EHMT2: variants seen among roughly 807,000 people sequenced by gnomAD.
EHMT2 encodes euchromatic histone lysine methyltransferase 2.
EHMT2 carries 59 observed loss-of-function variants against 143.3 expected under a neutral mutation model. That is an observed-to-expected ratio of 0.41 (90% confidence interval 0.33 to 0.51). The LOEUF is 0.51. EHMT2 is among the 20% of genes least tolerant of loss of function. The pLI, the probability that EHMT2 is intolerant of heterozygous loss-of-function variation, is 0.18. For missense variants in EHMT2, 1,174 were observed against 1,645.9 expected (o/e 0.71, Z 4.96); for synonymous variants, 604 against 651.5 (o/e 0.93, Z 1.11).
chr6:31,892,394 A>C lies in EHMT2; in HGVS notation c.864+13T>G. ...GGAGCACCGGCGGGGAGGGCAGACC[A>C]GCTCTGTCTCACCTTGCTGTCGGAG... On this transcript the variant is annotated intron_variant, in intron 7 of 27. Coordinates refer to ENST00000375537, the Ensembl canonical transcript of EHMT2. 1 of 1,611,004 alleles carries C rather than the reference A, an allele frequency of 6.2e-7. No homozygotes were observed. The highest frequency in any genetic ancestry group is 1.1e-5 in the South Asian group (1 of 90,984).
chr6:31,879,913 G>A, exon 28 of EHMT2: 2 of 762,076 alleles, frequency 2.6e-6, no homozygotes, highest in Non-Finnish European at 4.1e-6. Flanking sequence ...CTGGGAGGGA[G>A]GGGCTGTCAG....
Position 31,884,172 on chromosome 6 carries a change from G to C in EHMT2, c.2771+220C>G. The C allele has an allele frequency of 1.4e-6, 1 of 698,528 alleles. No homozygotes were observed. The highest frequency in any genetic ancestry group is 2.3e-6 in the Non-Finnish European group (1 of 429,590). 43.3% of individuals were successfully genotyped at this position (698,528 alleles called of 1,614,324 possible). A position where few individuals can be genotyped will look rare whatever the true frequency, so the allele number is the denominator to read the frequency against. ...CACAGGACATTCTCACACTAAAAAA[G>C]TATGCATCTGTGCATCTGAAATTCC... On this transcript the variant is annotated intron_variant, in intron 21 of 27. Coordinates refer to ENST00000375537, the Ensembl canonical transcript of EHMT2. This position sits in a 1 kb window ranked among gnomAD's most constrained non-coding sequence, Gnocchi z 7.3.
chr6:31,887,323 C>G (rs770585070), intron 15 of EHMT2, among the ~76,000 whole-genome samples: 11 of 152,202 alleles, frequency 7.2e-5, no homozygotes, highest in Non-Finnish European at 1.5e-4. Context: ...CTCAGTACCA[C>G]TGTGCACTGT....
At chr6:31,886,643 T>C in exon 18 of EHMT2, 1 of 1,613,732 alleles carries the variant, frequency 6.2e-7, no homozygotes, top group Non-Finnish European at 8.5e-7. Flanking sequence ...AAGTTCCCGA[T>C]TTTGGCTGCG....
Position 31,888,645 on chromosome 6 carries a change from T to C in EHMT2, c.1319A>G (p.Glu440Gly). Residue 440 changes from glutamate to glycine, a missense_variant, in exon 11 of 28, where the codon GAG becomes GGG. By Grantham distance (98) the Glu-to-Gly change is moderately conservative (BLOSUM62 -2). Transcript: ENST00000375537. The surrounding 1 kb of genome is among the most constrained non-coding windows in gnomAD (Gnocchi z 7.4). ...GGCCATGCACTTGTGCCCCGCCCTCTCGCTGATGCGGTCAATCTTGGGTGC... is the reference window on the plus strand; with the variant it reads ...GGCCATGCACTTGTGCCCCGCCCTCCCGCTGATGCGGTCAATCTTGGGTGC... 1 of 1,613,692 alleles carries C rather than the reference T, an allele frequency of 6.2e-7. No individual in the cohort carries two copies. Among genetic ancestry groups the C allele is most frequent in the Non-Finnish European group, 8.5e-7 (1 of 1,180,002 alleles).
At chr6:31,886,517 G>A (rs1562487863) in intron 18 of EHMT2, 64 bp downstream of exon 18, 6 of 1,510,012 alleles carry the variant, frequency 4.0e-6, no homozygotes, top group Non-Finnish European at 5.4e-6. Flanking sequence ...CCCAAAGCCT[G>A]AGGCCAAGCC....
At position 31,889,134 on chromosome 6, in the gene EHMT2, C is replaced by A. The variant is rs1294105232; in HGVS notation, c.1115-64G>T. On this transcript the variant is annotated intron_variant, in intron 9 of 27. Coordinates refer to ENST00000375537, the Ensembl canonical transcript of EHMT2. This position sits in a 1 kb window ranked among gnomAD's most constrained non-coding sequence, Gnocchi z 5.1. ...AGGTGCCTGGACGCGTGGGTACATG[C>A]AGGTGGACATGCGAGAGCGTGTGTG... The A allele has an allele frequency of 6.5e-6, 10 of 1,541,930 alleles. No homozygotes were observed. The highest frequency in any genetic ancestry group is 8.8e-6 in the Non-Finnish European group (10 of 1,132,386).
intron 4 of EHMT2, chr6:31,893,583 C>T (rs527243853): frequency 4.8e-5 from 13 of 269,500 alleles, no homozygotes; most frequent in Middle Eastern, 1.4e-3. Context: ...CCAGAAAGTA[C>T]GGGATTACAG....
At chr6:31,897,487 C>T in intron 1 of EHMT2, 149 bp downstream of exon 1, 1 of 525,124 alleles carries the variant, frequency 1.9e-6, no homozygotes, top group Non-Finnish European at 2.7e-6. Flanking sequence ...CTGGTCCCCT[C>T]ATCCGCCCCC....
chr6:31,896,816 A>G (rs1160899457), exon 3 of EHMT2: 10 of 1,612,812 alleles, frequency 6.2e-6, no homozygotes, highest in Non-Finnish European at 8.5e-6. Flanking sequence ...TCCCCCAAAG[A>G]GCCATGAACT....
Position 31,892,311 on chromosome 6 carries a change from G to A in EHMT2, c.864+96C>T, listed in dbSNP as rs1765792079. 1.0e-5 allele frequency: 14 copies of A among 1,404,020 alleles called. No homozygotes were observed. In the South Asian group the frequency reaches 1.6e-4, roughly 16 times the overall value. 87.0% of individuals were successfully genotyped at this position (1,404,020 alleles called of 1,614,324 possible). ...TAGTGGATATTCAGAAGATAAAAAG[G>A]ACAGAAAGCAGAAAAACAGGGAACA... is the stretch of plus-strand genomic sequence containing the variant. On this transcript the variant is annotated intron_variant, in intron 7 of 27. Coordinates refer to ENST00000375537, the Ensembl canonical transcript of EHMT2.
Position 31,889,634 on chromosome 6 carries a change from C to T in EHMT2, c.865-32G>A. On this transcript the variant is annotated intron_variant, in intron 7 of 27. Coordinates refer to ENST00000375537, the Ensembl canonical transcript of EHMT2. The surrounding 1 kb of genome is among the most constrained non-coding windows in gnomAD (Gnocchi z 5.1). ...GAGAGGCAGAACAGACATATCCAAC[C>T]CCCAGGACTCAGACAATGAGGTGAG... 1 of 1,606,218 alleles carries T rather than the reference C, an allele frequency of 6.2e-7. No individual in the cohort carries two copies. Among genetic ancestry groups the T allele is most frequent in the East Asian group, 2.2e-5 (1 of 44,860 alleles).
Position 31,881,610 on chromosome 6 carries a change from G to A in EHMT2, c.3198-518C>T, listed in dbSNP as rs1764120439. The A allele has an allele frequency of 5.7e-6, 1 of 176,318 alleles. No individual in the cohort carries two copies. Among genetic ancestry groups the A allele is most frequent in the Admixed American group, 5.4e-5 (1 of 18,480 alleles). 10.9% of individuals were successfully genotyped at this position (176,318 alleles called of 1,614,324 possible). On this transcript the variant is annotated intron_variant, in intron 25 of 27. Transcript: ENST00000375537. This position sits in a 1 kb window ranked among gnomAD's most constrained non-coding sequence, Gnocchi z 4.8. ...CACACGGAGAGGACGTGGGTGGGAA[G>A]TGACTGTCAAGAGACAGCTTCAGCA...
exon 14 of EHMT2, chr6:31,887,855 G>A (rs1174256620): frequency 1.9e-6 from 3 of 1,611,328 alleles, no homozygotes; most frequent in Non-Finnish European, 2.5e-6. Context: ...ACGGCTGAAA[G>A]GCAGCCCCCA....
At chr6:31,896,816 A>T (rs1160899457) in exon 3 of EHMT2, 2 of 1,612,812 alleles carry the variant, frequency 1.2e-6, no homozygotes, top group Non-Finnish European at 1.7e-6. Context: ...TCCCCCAAAG[A>T]GCCATGAACT....
At position 31,889,115 on chromosome 6, in the gene EHMT2, C is replaced by T. The variant is rs1765321010; in HGVS notation, c.1115-45G>A. On this transcript the variant is annotated intron_variant, in intron 9 of 27. Transcript: ENST00000375537. The surrounding 1 kb of genome is among the most constrained non-coding windows in gnomAD (Gnocchi z 5.1). ...AGTGAGAGTGCGAGCTCACAGGTGC[C>T]TGGACGCGTGGGTACATGCAGGTGG... The T allele has an allele frequency of 1.9e-6, 3 of 1,552,614 alleles. No individual in the cohort carries two copies. The highest frequency in any genetic ancestry group is 2.6e-6 in the Non-Finnish European group (3 of 1,139,050).
At position 31,896,915 on chromosome 6, in the gene EHMT2, G is replaced by A. The variant is rs568631392; in HGVS notation, c.109+8C>T. On this transcript the variant is annotated splice_region_variant and intron_variant, in intron 2 of 27. Coordinates refer to ENST00000375537, the Ensembl canonical transcript of EHMT2. Reference sequence around the variant, plus strand: ...GGTCCAATTGGGGCCCGTTTTAGCTGCACTCACCTCTCTCGGTGGCTCCTC... The same window carrying A: ...GGTCCAATTGGGGCCCGTTTTAGCTACACTCACCTCTCTCGGTGGCTCCTC... The A allele has an allele frequency of 2.6e-5, 42 of 1,606,592 alleles. No homozygotes were observed. In the South Asian group the frequency reaches 4.3e-4, roughly 16 times the overall value.
At chr6:31,891,134 G>A (rs989124868) in intron 7 of EHMT2, among the ~76,000 whole-genome samples, 5 of 151,840 alleles carry the variant, frequency 3.3e-5, no homozygotes, top group African/African-American at 4.8e-5. Flanking sequence ...CAGTAGAGAC[G>A]GGGTTTCTCC....
chr6:31,896,913 CTG>C lies in EHMT2; in HGVS notation c.109+8_109+9del. ...ACGGTCCAATTGGGGCCCGTTTTAGCTGCACTCACCTCTCTCGGTGGCTCCTC... is the reference window on the plus strand; with the variant it reads ...ACGGTCCAATTGGGGCCCGTTTTAGCCACTCACCTCTCTCGGTGGCTCCTC... On this transcript the variant is annotated splice_region_variant and intron_variant, in intron 2 of 27. Transcript: ENST00000375537. 1 of 1,605,910 alleles carries C rather than the reference CTG, an allele frequency of 6.2e-7. No homozygotes were observed. The highest frequency in any genetic ancestry group is 8.5e-7 in the Non-Finnish European group (1 of 1,177,404).
Sources: allele counts gnomAD v4.1 joint callset (sites outside exome capture counted in the v4.1 genomes callset), GRCh38; gene constraint gnomAD v4.1.1; non-coding constraint Gnocchi (gnomAD v3.1); transcripts MANE v1.5; gene names NCBI Gene and HGNC (gene_info 2026-07-23, HGNC 2026-07-21).